The following DAB1 variants were observed in gnomAD, a reference collection of about 807,000 sequenced individuals.
DAB1 encodes DAB adaptor protein 1.
DAB1 carries 15 observed loss-of-function variants against 64.6 expected under a neutral mutation model. That is an observed-to-expected ratio of 0.23 (90% CI 0.16 to 0.36). The LOEUF (loss-of-function observed/expected upper bound fraction) is 0.36, where lower values mean the gene tolerates loss of function less well. DAB1 is among the 10% of genes least tolerant of loss of function. The probability of loss-of-function intolerance (pLI) is 1.00; values close to 1 mark genes in which losing one functional copy is unlikely to be tolerated. For synonymous variants in DAB1, 235 were observed against 251.9 expected (o/e 0.93, Z 0.64); for missense variants, 596 against 706.7 (o/e 0.84, Z 1.78).
chr1:57,502,916 A>T (rs1644306226), intron 7 of DAB1, among the ~76,000 whole-genome samples: 1 of 152,234 alleles, frequency 6.6e-6, no homozygotes, highest in Non-Finnish European at 1.5e-5. Flanking sequence ...GTAATAATAG[A>T]TAGCACATAG....
intron 3 of DAB1, among the ~76,000 whole-genome samples, chr1:58,348,426 AC>A (rs1644021430): frequency 6.6e-6 from 1 of 152,176 alleles, no homozygotes; most frequent in Non-Finnish European, 1.5e-5. Flanking sequence ...GGCTGTAGTT[AC>A]AAAAAAAAAA....
chr1:57,706,734 T>C lies in DAB1; in HGVS notation n.552-57069A>G, dbSNP rs139964983. On this transcript the variant is annotated intron_variant and non_coding_transcript_variant, in intron 6 of 20. Transcript: ENST00000485760. ...TGTGCACTAGGTGTATATATTTATA[T>C]GCTGTTTTATCACGTGTGAATTCAT... Among the ~76,000 whole-genome samples, 18 of 152,264 alleles carry C rather than the reference T, an allele frequency of 1.2e-4. No individual in the cohort carries two copies. In the East Asian group the frequency reaches 2.9e-3, roughly 25 times the overall value.
At chr1:58,441,865 G>T (rs59541171) in intron 3 of DAB1, among the ~76,000 whole-genome samples, 2 of 152,192 alleles carry the variant, frequency 1.3e-5, no homozygotes, top group African/African-American at 4.8e-5. Flanking sequence ...GTAACAGATG[G>T]TTGGCTCCAT....
chr1:57,360,234 T>C (rs1277703987), intron 1 of DAB1, among the ~76,000 whole-genome samples: 2 of 151,698 alleles, frequency 1.3e-5, no homozygotes, highest in Non-Finnish European at 2.9e-5. Context: ...AATTAATTAA[T>C]TAAAATTTGA....
At chr1:57,758,861 T>C (rs1200336431) in intron 6 of DAB1, among the ~76,000 whole-genome samples, 4 of 152,200 alleles carry the variant, frequency 2.6e-5, no homozygotes, top group African/African-American at 9.6e-5. Context: ...CTGTTTGCAA[T>C]AAACATTCAC....
Position 57,500,540 on chromosome 1 carries a change from C to T in DAB1, n.625+149052G>A, listed in dbSNP as rs866420290. ...CTATTAGTTTTTTTGTCATTGCTAACATGAAGACATATTGTTAGCCATCAG... is the reference window on the plus strand; with the variant it reads ...CTATTAGTTTTTTTGTCATTGCTAATATGAAGACATATTGTTAGCCATCAG... On this transcript the variant is annotated intron_variant and non_coding_transcript_variant, in intron 7 of 20. Transcript: ENST00000485760. Among the ~76,000 whole-genome samples the T allele has an allele frequency of 4.0e-4, 61 of 152,274 alleles. No individual in the cohort carries two copies. In the Middle Eastern group the frequency reaches 0.01, roughly 25 times the overall value.
At chr1:57,758,162 A>G (rs1343058157) in intron 6 of DAB1, among the ~76,000 whole-genome samples, 2 of 152,326 alleles carry the variant, frequency 1.3e-5, no homozygotes, top group East Asian at 1.9e-4. Flanking sequence ...CTGGCACCCA[A>G]TAAGGGCTCA....
chr1:57,898,991 G>T (rs1476313479), intron 5 of DAB1, among the ~76,000 whole-genome samples: 1 of 151,512 alleles, frequency 6.6e-6, no homozygotes, highest in African/African-American at 2.4e-5. Context: ...GGATCGGTTT[G>T]TTCCAGAGAC....
chr1:58,466,814 C>T (rs1381549211), intron 3 of DAB1, among the ~76,000 whole-genome samples: 4 of 152,192 alleles, frequency 2.6e-5, no homozygotes, highest in Admixed American at 6.5e-5. Flanking sequence ...CTGGTCTGTG[C>T]AGGGGGAGCT....
intron 5 of DAB1, among the ~76,000 whole-genome samples, chr1:58,126,403 A>G (rs1047743662): frequency 9.9e-5 from 15 of 151,594 alleles, no homozygotes; most frequent in Non-Finnish European, 1.8e-4. Context: ...AAAGAAACAC[A>G]TAGCAGTTCC....
chr1:57,392,933 A>G (rs992262139), intron 1 of DAB1, among the ~76,000 whole-genome samples: 1 of 152,224 alleles, frequency 6.6e-6, no homozygotes. Context: ...AAGAGACAGT[A>G]TCATATTGGG....
At chr1:57,848,411 G>T (rs1206483418) in intron 1 of DAB1, among the ~76,000 whole-genome samples, 3 of 152,294 alleles carry the variant, frequency 2.0e-5, no homozygotes, top group Middle Eastern at 3.4e-3. Context: ...TTTATTTAAA[G>T]AATTATCATG....
rs577632857 is a variant in DAB1 at position 57,586,907 on chromosome 1, T to C, written n.625+62685A>G. On this transcript the variant is annotated intron_variant and non_coding_transcript_variant, in intron 7 of 20. Coordinates refer to the DAB1 transcript ENST00000485760. ...TCTGGGATCAAATCTTTTTCAACTT[T>C]GCTATCAATTACAAAGTCTGGCATG... Among the ~76,000 whole-genome samples the C allele has an allele frequency of 2.0e-5, 3 of 152,320 alleles. No individual in the cohort carries two copies. The South Asian group carries it at 6.2e-4, about 32-fold the overall frequency.
intron 1 of DAB1, among the ~76,000 whole-genome samples, chr1:57,300,361 A>G (rs1009722267): frequency 2.6e-5 from 4 of 152,202 alleles, no homozygotes; most frequent in Non-Finnish European, 5.9e-5. Context: ...TCAGGAATGC[A>G]GAGGATAGGC....
chr1:57,023,638 G>A lies in DAB1; in HGVS notation c.788C>T (p.Thr263Ile). Residue 263 changes from threonine (T) to isoleucine (I), a missense_variant and splice_region_variant, in exon 11 of 15, where the codon ACT becomes ATT. Thr to Ile is a moderately conservative substitution (Grantham distance 89). Transcript: ENST00000371236. ...AAAGGCATCACCTGGAGTTGCAGGA[G>A]TCTGCCAGACAGAGAGAGGCAGAGG... ...STPPDITSPP[T>I]PATPGDAFIP... The A allele has an allele frequency of 6.2e-7, 1 of 1,603,612 alleles. No individual in the cohort carries two copies. The highest frequency in any genetic ancestry group is 1.1e-5 in the South Asian group (1 of 89,516).
rs562223098 is a variant in DAB1, at chr1:58,140,738, G to A, written n.387+9773C>T. Among the ~76,000 whole-genome samples the A allele has an allele frequency of 3.5e-4, 54 of 152,246 alleles. 1 individual carries two copies. The highest frequency in any genetic ancestry group is 8.3e-4 in the South Asian group (4 of 4,828). ...GCAGAATTTCTGGCACACAGTCCTC[G>A]GGATGTATTTGTTAAATAAATGAAT... On this transcript the variant is annotated intron_variant and non_coding_transcript_variant, in intron 5 of 20. Coordinates refer to the DAB1 transcript ENST00000485760.
At chr1:57,860,909 G>A (rs1653987752) in intron 1 of DAB1, 1 of 152,272 alleles carries the variant, frequency 6.6e-6, no homozygotes, top group South Asian at 2.1e-4. Context: ...AGATCCAGCT[G>A]GTACTGCCAG....
Position 58,504,161 on chromosome 1 carries a change from A to C in DAB1, n.257+1899T>G, listed in dbSNP as rs1381300479. Among the ~76,000 whole-genome samples, 3 of 152,302 alleles carry C rather than the reference A, an allele frequency of 2.0e-5. No homozygotes were observed. The East Asian group carries it at 5.8e-4, about 29-fold the overall frequency. On this transcript the variant is annotated intron_variant and non_coding_transcript_variant, in intron 3 of 20. Transcript: ENST00000485760. ...GTCACTCCTCTGCTCAATATCCTCA[A>C]CTAGCTTCTCCTATCACTTGAAGTG...
At chr1:58,540,039 C>T (rs1646581578) in intron 1 of DAB1, among the ~76,000 whole-genome samples, 1 of 152,054 alleles carries the variant, frequency 6.6e-6, no homozygotes, top group African/African-American at 2.4e-5. Flanking sequence ...GGGAAAGGGC[C>T]ACCTGAAAAG....
Sources: allele counts gnomAD v4.1 joint callset (sites outside exome capture counted in the v4.1 genomes callset), GRCh38; gene constraint gnomAD v4.1.1; transcripts MANE v1.5; gene names NCBI Gene and HGNC (gene_info 2026-07-23, HGNC 2026-07-21).